The following PAG1 variants were observed in gnomAD, a reference collection of about 807,000 sequenced individuals.
PAG1 encodes phosphoprotein membrane anchor with glycosphingolipid microdomains 1.
PAG1 carries 23 observed loss-of-function variants against 31.7 expected under a neutral mutation model. The observed-to-expected ratio is 0.73, with a 90% confidence interval of 0.52 to 1.03. The LOEUF is 1.03. Among genes scored for constraint, PAG1 ranks in the 50% least tolerant of loss-of-function variants. PAG1 has a pLI of 0.00. For synonymous variants in PAG1, 214 were observed against 210.3 expected, an observed-to-expected ratio of 1.02 and a Z score of -0.15; for missense variants, 473 against 540.7, an observed-to-expected ratio of 0.87 and a Z score of 1.24.
chr8:81,106,339 C>A, intron 1 of PAG1, among the ~76,000 whole-genome samples: 1 of 152,062 alleles, frequency 6.6e-6, no homozygotes, highest in Non-Finnish European at 1.5e-5. Flanking sequence ...AGTCACCGCA[C>A]CAGGCCTAGT....
chr8:81,092,822 G>T (rs961344401), intron 1 of PAG1, among the ~76,000 whole-genome samples: 1 of 152,140 alleles, frequency 6.6e-6, no homozygotes, highest in African/African-American at 2.4e-5. Context: ...AACTAATGCC[G>T]ATTTCTTGTG....
At chr8:81,086,074 C>T (rs960770884) in intron 1 of PAG1, among the ~76,000 whole-genome samples, 2 of 146,740 alleles carry the variant, frequency 1.4e-5, no homozygotes, top group East Asian at 2.0e-4. Context: ...CTCCGCCTCC[C>T]GGGTTCACGC....
At chr8:81,033,617 C>T (rs750019963) in intron 2 of PAG1, among the ~76,000 whole-genome samples, 1 of 152,232 alleles carries the variant, frequency 6.6e-6, no homozygotes, top group Non-Finnish European at 1.5e-5. Flanking sequence ...GTTTCTGTTA[C>T]ATCTGGCTCT....
rs1807510365 is a variant in PAG1 at position 80,990,116 on chromosome 8, G to A, written c.177+1363C>T. Among the ~76,000 whole-genome samples the A allele has an allele frequency of 2.0e-5, 3 of 151,912 alleles. No homozygotes were observed. The highest frequency in any genetic ancestry group is 6.6e-5 in the Admixed American group (1 of 15,262). ...GCGCTGGGAACAGATGAGAAGTGGC[G>A]ACAATGTGGACAACCAGGGATGGGA... On this transcript the variant is annotated intron_variant, in intron 5 of 8. Transcript: ENST00000220597. This position sits in a 1 kb window ranked among gnomAD's most constrained non-coding sequence, Gnocchi z 5.1.
chr8:81,086,106 C>T (rs1335467168), intron 1 of PAG1, among the ~76,000 whole-genome samples: 1 of 149,250 alleles, frequency 6.7e-6, no homozygotes, highest in Non-Finnish European at 1.5e-5. Flanking sequence ...CTCAGCCTCC[C>T]GAGTAGCTGG....
intron 5 of PAG1, among the ~76,000 whole-genome samples, chr8:80,988,420 CAAT>C (rs1296783738): frequency 6.6e-6 from 1 of 152,170 alleles, no homozygotes; most frequent in Non-Finnish European, 1.5e-5. Context: ...TTCACAGAAA[CAAT>C]AATATGCTGA....
At chr8:81,108,835 A>C (rs1048588507) in intron 1 of PAG1, among the ~76,000 whole-genome samples, 1 of 152,214 alleles carries the variant, frequency 6.6e-6, no homozygotes, top group Admixed American at 6.5e-5. Context: ...ATTTAATGGT[A>C]AGTATAAATT....
At chr8:81,032,119 A>G (rs1027259893) in intron 2 of PAG1, among the ~76,000 whole-genome samples, 3 of 152,246 alleles carry the variant, frequency 2.0e-5, no homozygotes, top group African/African-American at 7.2e-5. Flanking sequence ...AACTATTAGA[A>G]AAAAAACCAA....
At chr8:81,005,062 T>A (rs1234076530) in intron 3 of PAG1, among the ~76,000 whole-genome samples, 4 of 152,164 alleles carry the variant, frequency 2.6e-5, no homozygotes, top group Non-Finnish European at 5.9e-5. Context: ...GACACATGCA[T>A]TCAAAATCAC....
intron 7 of PAG1, 138 bp from the exon 8 acceptor site, chr8:80,980,632 G>C (rs1807280825): frequency 1.6e-6 from 1 of 624,074 alleles, no homozygotes; most frequent in Non-Finnish European, 2.9e-6. Flanking sequence ...TATGGGAAGA[G>C]AAACACTTAT....
At chr8:81,083,394 T>C (rs542961807) in intron 1 of PAG1, among the ~76,000 whole-genome samples, 2 of 152,194 alleles carry the variant, frequency 1.3e-5, no homozygotes, top group South Asian at 4.2e-4. Flanking sequence ...TGGAGGCTCT[T>C]GTTACTACGC....
At chr8:80,988,319 T>G (rs548977761) in intron 5 of PAG1, among the ~76,000 whole-genome samples, 1 of 152,222 alleles carries the variant, frequency 6.6e-6, no homozygotes, top group Non-Finnish European at 1.5e-5. Flanking sequence ...CTTTGTCATG[T>G]GAAGGGAACA....
At chr8:81,001,483 C>G (rs1043578357) in intron 3 of PAG1, among the ~76,000 whole-genome samples, 2 of 152,196 alleles carry the variant, frequency 1.3e-5, no homozygotes, top group Non-Finnish European at 2.9e-5. Flanking sequence ...GCTTGCCCGA[C>G]CACCTGGCCA....
intron 1 of PAG1, among the ~76,000 whole-genome samples, chr8:81,091,692 T>C (rs1162088796): frequency 2.0e-5 from 3 of 152,108 alleles, no homozygotes; most frequent in African/African-American, 7.3e-5. Context: ...CATGATTACA[T>C]ACATATATAA....
chr8:80,976,383 A>C lies in PAG1; in HGVS notation c.*161T>G, dbSNP rs1807179457. 1 of 712,632 alleles carries C rather than the reference A, an allele frequency of 1.4e-6. No homozygotes were observed. Among genetic ancestry groups the C allele is most frequent in the African/African-American group, 1.8e-5 (1 of 56,056 alleles). The allele number at this position is 712,632 out of a possible 1,614,324, so 44.1% of individuals were successfully genotyped here. On this transcript the variant is annotated 3_prime_UTR_variant, in exon 9 of 9. Transcript: ENST00000220597. ...AGCCTAGTCCGTACCTCTCTGTCTC[A>C]GAAACTGAACAACTGGGAGAACAGT...
At chr8:81,049,340 T>C (rs1386328450) in intron 2 of PAG1, among the ~76,000 whole-genome samples, 1 of 152,256 alleles carries the variant, frequency 6.6e-6, no homozygotes, top group Non-Finnish European at 1.5e-5. Context: ...ATGTGCTACA[T>C]TCTTTTGCCA....
intron 3 of PAG1, among the ~76,000 whole-genome samples, chr8:81,017,977 T>G (rs1808100694): frequency 6.6e-6 from 1 of 152,230 alleles, no homozygotes; most frequent in Non-Finnish European, 1.5e-5. Context: ...TAAACCCTTT[T>G]TATATGTCTA....
chr8:81,041,933 C>T (rs2130838222), intron 2 of PAG1, among the ~76,000 whole-genome samples: 1 of 152,288 alleles, frequency 6.6e-6, no homozygotes, highest in South Asian at 2.1e-4. Context: ...TTAAATTCTG[C>T]ATTTTTACTT....
Position 80,970,571 on chromosome 8 carries a change from A to C in PAG1, c.*5973T>G, listed in dbSNP as rs1262543620. 3 of 152,702 alleles carry C rather than the reference A, an allele frequency of 2.0e-5. No individual in the cohort carries two copies. 9.5% of individuals were successfully genotyped at this position (152,702 alleles called of 1,614,324 possible). A position where few individuals can be genotyped will look rare whatever the true frequency, so the allele number is the denominator to read the frequency against. On this transcript the variant is annotated 3_prime_UTR_variant, in exon 9 of 9. Transcript: ENST00000220597. ...GCTTGAGGAGACTCAGGCCAGATAC[A>C]GATCACTGTGGGGAACACTAAGCTT...
Sources: gnomAD v4.1 joint callset for allele counts (sites outside exome capture counted in the v4.1 genomes callset) on GRCh38, gnomAD v4.1.1 for gene constraint, Gnocchi (gnomAD v3.1) non-coding constraint, MANE v1.5 for transcripts, NCBI Gene and HGNC (gene_info 2026-07-23, HGNC 2026-07-21) for gene names.